The following FNBP4 variants were observed in gnomAD, a reference collection of about 807,000 sequenced individuals.
FNBP4 encodes the protein formin binding protein 4, also known as formin-binding protein 4.
FNBP4 carries 34 observed loss-of-function variants against 119.3 expected under a neutral mutation model. That is an observed-to-expected ratio of 0.28 (90% confidence interval 0.22 to 0.38). The LOEUF (loss-of-function observed/expected upper bound fraction) is 0.38, where lower values mean the gene tolerates loss of function less well. FNBP4 is among the 10% of genes least tolerant of loss of function. The pLI is 1.00. For synonymous variants in FNBP4, 462 were observed against 430.6 expected (o/e 1.07, Z -0.90); for missense variants, 1,112 against 1,228.9 (o/e 0.90, Z 1.42).
At chr11:47,738,884 T>TTTTA (rs2097577922) in intron 8 of FNBP4, among the ~76,000 whole-genome samples, 2 of 125,910 alleles carry the variant, frequency 1.6e-5, no homozygotes, top group Non-Finnish European at 3.3e-5. Flanking sequence ...TTTTTTTTTT[T>TTTTA]AGTAGAGACA....
chr11:47,738,828 T>C (rs2097577693), intron 8 of FNBP4, among the ~76,000 whole-genome samples: 1 of 147,732 alleles, frequency 6.8e-6, no homozygotes, highest in Non-Finnish European at 1.5e-5. Flanking sequence ...CTTCAGGTGT[T>C]TGCCACCATG....
At chr11:47,726,287 T>C (rs919937895) in intron 12 of FNBP4, 8 of 151,934 alleles carry the variant, frequency 5.3e-5, no homozygotes, top group Non-Finnish European at 1.0e-4. Context: ...CAGGCTGGAG[T>C]GTAGGTGGTG....
At chr11:47,719,828 T>C (rs548622445) in intron 16 of FNBP4, 101 bp downstream of exon 16, 27 of 1,181,484 alleles carry the variant, frequency 2.3e-5, no homozygotes, top group Non-Finnish European at 3.0e-5. Flanking sequence ...TAAGAATATG[T>C]CTATTCTAAT....
At chr11:47,736,787 G>T in intron 8 of FNBP4, 47 bp from the exon 9 acceptor site, 1 of 1,510,534 alleles carries the variant, frequency 6.6e-7, no homozygotes, top group Non-Finnish European at 9.1e-7. Context: ...AATACTTATA[G>T]AACACTATAT....
rs776297976 is a variant in FNBP4 at position 47,732,522 on chromosome 11, G to T, written c.1820+15C>A. On this transcript the variant is annotated intron_variant, in intron 11 of 16. Coordinates refer to ENST00000263773, the MANE Select transcript of FNBP4 (RefSeq NM_015308.5). The surrounding 1 kb of genome is among the most constrained non-coding windows in gnomAD (Gnocchi z 4.2). Reference sequence around the variant, plus strand: ...TGTCAAAGGTGAAAGGTGAAAAGGGGAGAAGAGTGCGTACCTGTCCCAGTG... The same window carrying T: ...TGTCAAAGGTGAAAGGTGAAAAGGGTAGAAGAGTGCGTACCTGTCCCAGTG... 6.2e-7 allele frequency: 1 copy of T among 1,614,074 alleles called. No homozygotes were observed. Among genetic ancestry groups the T allele is most frequent in the Non-Finnish European group, 8.5e-7 (1 of 1,179,978 alleles).
chr11:47,724,640 G>A lies in FNBP4; in HGVS notation c.2147C>T (p.Pro716Leu). Residue 716 changes from proline to leucine, a missense_variant, in exon 13 of 17, where the codon CCT becomes CTT. By Grantham distance (98) the Pro-to-Leu change is moderately conservative. Around this residue, in one of 2 missense-constraint regions of FNBP4, gnomAD observed 826 missense variants for 988.8 expected, o/e 0.84. Coordinates refer to ENST00000263773, the MANE Select transcript of FNBP4 (RefSeq NM_015308.5). ...PLPLEMPPPPPPPPESPPPPP... is the reference protein window; with the variant it reads ...PLPLEMPPPPLPPPESPPPPP... ...GGGTGGAGGTGATTCTGGAGGTGGA[G>A]GTGGGGGTGGTGGCATTTCCAAGGG... The A allele has an allele frequency of 6.2e-7, 1 of 1,614,108 alleles. No homozygotes were observed. The highest frequency in any genetic ancestry group is 8.5e-7 in the Non-Finnish European group (1 of 1,180,002).
intron 8 of FNBP4, among the ~76,000 whole-genome samples, chr11:47,738,002 C>T (rs2097576563): frequency 6.6e-6 from 1 of 152,150 alleles, no homozygotes; most frequent in South Asian, 2.1e-4. Context: ...CTAGGCCTCT[C>T]AAAGTGCTGG....
chr11:47,723,862 C>T (rs192007560), intron 14 of FNBP4, among the ~76,000 whole-genome samples, 166 bp downstream of exon 14: 1 of 151,736 alleles, frequency 6.6e-6, no homozygotes, highest in East Asian at 1.9e-4. Flanking sequence ...TGTGCACGGT[C>T]AGCTAAACTG....
intron 8 of FNBP4, 89 bp from the exon 9 acceptor site, chr11:47,736,829 GA>G (rs957447368): frequency 1.7e-5 from 20 of 1,155,262 alleles, no homozygotes; most frequent in Non-Finnish European, 2.5e-5. Flanking sequence ...ATCTGCAAAA[GA>G]TTATTAGTTC....
At chr11:47,763,951 T>TA (rs1443357844) in intron 2 of FNBP4, among the ~76,000 whole-genome samples, 9 of 152,160 alleles carry the variant, frequency 5.9e-5, no homozygotes, top group Non-Finnish European at 1.0e-4. Context: ...ATATACCTCT[T>TA]ATGGCTTGAA....
At chr11:47,729,330 C>A in intron 12 of FNBP4, 2 of 985,168 alleles carry the variant, frequency 2.0e-6, no homozygotes, top group Non-Finnish European at 2.4e-6. Context: ...TGACATAAGC[C>A]CAATATAAAA....
intron 10 of FNBP4, 24 bp downstream of exon 10, chr11:47,733,999 CCA>C: frequency 3.0e-6 from 3 of 989,726 alleles, no homozygotes; most frequent in South Asian, 1.8e-5. Context: ...ACTGTTTATG[CCA>C]AAAAAAAAAA....
Position 47,743,986 on chromosome 11 carries a change from T to A in FNBP4, c.1423A>T (p.Thr475Ser), listed in dbSNP as rs544295647. The A allele has an allele frequency of 6.2e-7, 1 of 1,614,148 alleles. No individual in the cohort carries two copies. Among genetic ancestry groups the A allele is most frequent in the African/African-American group, 1.3e-5 (1 of 75,046 alleles). The change falls in exon 8 of 17, where the codon ACT becomes TCT. Residue 475 changes from threonine to serine, a missense_variant. By Grantham distance (58) the Thr-to-Ser change is moderately conservative. Transcript: ENST00000263773. ...PESTSRSSSK[T>S]GRDTPENGET... ...CCATTTTCTGGAGTATCTCGTCCAG[T>A]TTTACTAGAACTCCTACTGGTAGAT...
At chr11:47,747,655 TG>T (rs1282996020) in intron 6 of FNBP4, among the ~76,000 whole-genome samples, 5 of 151,988 alleles carry the variant, frequency 3.3e-5, no homozygotes, top group African/African-American at 1.2e-4. Flanking sequence ...TAGACTAAAG[TG>T]AACTATTCCT....
At chr11:47,752,777 G>T in intron 4 of FNBP4, 139 bp downstream of exon 4, 1 of 749,876 alleles carries the variant, frequency 1.3e-6, no homozygotes, top group Non-Finnish European at 2.1e-6. Flanking sequence ...TCGCGCCAGT[G>T]CACTCCAGCC....
At position 47,724,456 on chromosome 11, in the gene FNBP4, G is replaced by A. The variant is rs1223906625; in HGVS notation, c.2319+12C>T. 8 of 1,614,116 alleles carry A rather than the reference G, an allele frequency of 5.0e-6. No individual in the cohort carries two copies. The highest frequency in any genetic ancestry group is 5.1e-6 in the Non-Finnish European group (6 of 1,180,004). ...CTCAAAATCACTCAGAATGCCAAAG[G>A]GAATTACTTACCTGGCTAGTTACAA... On this transcript the variant is annotated intron_variant, in intron 13 of 16. Transcript: ENST00000263773.
chr11:47,729,758 T>G (rs1180627650), intron 12 of FNBP4: 33 of 985,346 alleles, frequency 3.3e-5, no homozygotes, highest in Non-Finnish European at 3.6e-5. Context: ...TAGCTGGTTT[T>G]AACCACCACT....
At position 47,717,344 on chromosome 11, in the gene FNBP4, T is replaced by C. The variant is rs1285497988; in HGVS notation, c.*78A>G. The C allele has an allele frequency of 1.1e-6, 1 of 935,414 alleles. No homozygotes were observed. The highest frequency in any genetic ancestry group is 2.5e-5 in the East Asian group (1 of 39,370). 57.9% of individuals were successfully genotyped at this position (935,414 alleles called of 1,614,324 possible). A position where few individuals can be genotyped will look rare whatever the true frequency, so the allele number is the denominator to read the frequency against. On this transcript the variant is annotated 3_prime_UTR_variant, in exon 17 of 17. Coordinates refer to ENST00000263773, the MANE Select transcript of FNBP4 (RefSeq NM_015308.5). ...CTCCCCCATAACATTTATAGTTTATTTGACAATAAAACTGGTTAAGACTTT... is the reference window on the plus strand; with the variant it reads ...CTCCCCCATAACATTTATAGTTTATCTGACAATAAAACTGGTTAAGACTTT...
intron 7 of FNBP4, among the ~76,000 whole-genome samples, chr11:47,744,547 C>A (rs1207382805): frequency 6.6e-6 from 1 of 152,112 alleles, no homozygotes; most frequent in Non-Finnish European, 1.5e-5. Flanking sequence ...CAGGCATGAG[C>A]CACTGCACTC....
Sources: allele counts gnomAD v4.1 joint callset (sites outside exome capture counted in the v4.1 genomes callset), GRCh38; gene constraint gnomAD v4.1.1; regional missense constraint gnomAD v4.1.1; non-coding constraint Gnocchi (gnomAD v3.1); transcripts MANE v1.5; gene names NCBI Gene and HGNC (gene_info 2026-07-23, HGNC 2026-07-21).